DIP2B: variants seen among roughly 807,000 people sequenced by gnomAD.
The protein encoded by DIP2B is DIP2 acetate--CoA ligase B (putative).
In DIP2B, 76 loss-of-function variants were observed where a neutral mutation model predicts 198.0. That is an observed-to-expected ratio of 0.38 (90% CI 0.32 to 0.46). The LOEUF (loss-of-function observed/expected upper bound fraction) is 0.46, where lower values mean the gene tolerates loss of function less well. Among genes scored for constraint, DIP2B ranks in the 20% least tolerant of loss-of-function variants. The pLI is 0.99. For synonymous variants in DIP2B, 701 were observed against 739.1 expected, an observed-to-expected ratio of 0.95 and a Z score of 0.84; for missense variants, 1,559 against 1,978.4, an observed-to-expected ratio of 0.79 and a Z score of 4.02.
chr12:50,680,838 A>T (rs533546392), intron 9 of DIP2B, 75 bp downstream of exon 9: 1 of 1,341,064 alleles, frequency 7.5e-7, no homozygotes, highest in East Asian at 2.3e-5. Flanking sequence ...AATATTCTGG[A>T]GTTTTCATAT....
At chr12:50,665,587 AT>A (rs952045534) in intron 4 of DIP2B, among the ~76,000 whole-genome samples, 1 of 151,954 alleles carries the variant, frequency 6.6e-6, no homozygotes. Context: ...TCTACAAATA[AT>A]TTTTTTTAAT....
At chr12:50,639,757 C>T (rs890299184) in intron 2 of DIP2B, among the ~76,000 whole-genome samples, 1 of 152,098 alleles carries the variant, frequency 6.6e-6, no homozygotes, top group African/African-American at 2.4e-5. Context: ...AAACTTAAGC[C>T]TTAAGGAAAT....
At position 50,619,440 on chromosome 12, in the gene DIP2B, G is replaced by C. The variant is rs192044761; in HGVS notation, c.101-6536G>C. 1.2e-3 allele frequency among the ~76,000 whole-genome samples: 181 copies of C among 152,308 alleles called. 2 individuals carry two copies. The highest frequency in any genetic ancestry group is 4.1e-3 in the African/African-American group (170 of 41,564). ...AATTTATATCACCTTTCTGATAAGA[G>C]AATGAAAAGCCAGACCCAAACCAAA... is the stretch of plus-strand genomic sequence containing the variant. On this transcript the variant is annotated intron_variant, in intron 1 of 37. Coordinates refer to ENST00000301180, the MANE Select transcript of DIP2B (RefSeq NM_173602.3).
intron 1 of DIP2B, among the ~76,000 whole-genome samples, chr12:50,622,546 G>A (rs1937834060): frequency 6.6e-6 from 1 of 152,098 alleles, no homozygotes; most frequent in African/African-American, 2.4e-5. Flanking sequence ...ATATTTTGGT[G>A]GGTAAACATG....
At chr12:50,555,454 T>C (rs1958462169) in intron 1 of DIP2B, among the ~76,000 whole-genome samples, 2 of 152,188 alleles carry the variant, frequency 1.3e-5, no homozygotes, top group Non-Finnish European at 2.9e-5. Flanking sequence ...ATTTTGTCGC[T>C]GCTATCACTT....
intron 1 of DIP2B, among the ~76,000 whole-genome samples, chr12:50,525,671 C>T (rs1958157721): frequency 6.6e-6 from 1 of 151,980 alleles, no homozygotes; most frequent in African/African-American, 2.4e-5. Flanking sequence ...CACTATCACA[C>T]CTTGCTAATT....
intron 1 of DIP2B, among the ~76,000 whole-genome samples, chr12:50,516,220 T>TCC (rs1958062478): frequency 7.1e-6 from 1 of 140,390 alleles, no homozygotes. Flanking sequence ...ACCATCTCTC[T>TCC]CTCTCTCTCT....
chr12:50,659,475 GT>G lies in DIP2B; in HGVS notation c.302-705del, dbSNP rs374355770. On this transcript the variant is annotated intron_variant, in intron 3 of 37. Transcript: ENST00000301180. ...TCTACCTCAGTAAGATTTTGTAAGA[GT>G]TTTTTTTTTTTTTAGCGGGATACAA... is the stretch of plus-strand genomic sequence containing the variant. 3.2e-3 allele frequency among the ~76,000 whole-genome samples: 458 copies of G among 140,928 alleles called. 1 individual carries two copies. Among genetic ancestry groups the G allele is most frequent in the Middle Eastern group, 7.2e-3 (2 of 278 alleles). 92.5% of individuals were successfully genotyped at this position (140,928 alleles called of 152,430 possible).
At chr12:50,537,266 C>A (rs1470647537) in intron 1 of DIP2B, among the ~76,000 whole-genome samples, 1 of 132,816 alleles carries the variant, frequency 7.5e-6, no homozygotes, top group African/African-American at 2.8e-5. Flanking sequence ...TGCCAGATTG[C>A]TTTATAATTG....
chr12:50,535,471 A>G (rs1005601764), intron 1 of DIP2B, among the ~76,000 whole-genome samples: 10 of 151,304 alleles, frequency 6.6e-5, no homozygotes, highest in Middle Eastern at 6.8e-3. Flanking sequence ...GGTTCAAGCA[A>G]TTCTCCTCCC....
At chr12:50,655,980 TA>T (rs1938548368) in intron 3 of DIP2B, among the ~76,000 whole-genome samples, 1 of 151,966 alleles carries the variant, frequency 6.6e-6, no homozygotes, top group Non-Finnish European at 1.5e-5. Context: ...GTCCCAAAAA[TA>T]AAAAATAAAC....
chr12:50,621,260 T>C (rs1440552989), intron 1 of DIP2B, among the ~76,000 whole-genome samples: 1 of 152,250 alleles, frequency 6.6e-6, no homozygotes, highest in Non-Finnish European at 1.5e-5. Context: ...TATATCTGGC[T>C]TGGAGTTCTT....
intron 1 of DIP2B, among the ~76,000 whole-genome samples, chr12:50,548,414 T>C (rs1432714346): frequency 6.6e-6 from 1 of 152,248 alleles, no homozygotes; most frequent in African/African-American, 2.4e-5. Flanking sequence ...TGTGTATATG[T>C]GTATATATAC....
intron 1 of DIP2B, among the ~76,000 whole-genome samples, chr12:50,575,480 T>C (rs915876190): frequency 1.3e-5 from 2 of 151,776 alleles, no homozygotes; most frequent in Non-Finnish European, 1.5e-5. Flanking sequence ...CTTCCCAGGC[T>C]CAAGCCATCC....
At chr12:50,693,117 C>T (rs1388150553) in intron 14 of DIP2B, 104 bp downstream of exon 14, 1 of 1,122,142 alleles carries the variant, frequency 8.9e-7, no homozygotes, top group Non-Finnish European at 1.3e-6. Flanking sequence ...AAATTTAAAT[C>T]CCCAAAAGGT....
At chr12:50,527,593 C>T (rs956690225) in intron 1 of DIP2B, among the ~76,000 whole-genome samples, 18 of 151,968 alleles carry the variant, frequency 1.2e-4, no homozygotes, top group African/African-American at 4.4e-4. Context: ...AGACTCTGTC[C>T]CTAGGTGGTT....
intron 37 of DIP2B, among the ~76,000 whole-genome samples, chr12:50,742,551 C>A (rs1940270453): frequency 6.6e-6 from 1 of 152,044 alleles, no homozygotes; most frequent in Admixed American, 6.6e-5. Context: ...GCTAAACAGC[C>A]ACAGTTCTTT....
At chr12:50,539,617 T>C (rs1375939025) in intron 1 of DIP2B, among the ~76,000 whole-genome samples, 1 of 16,408 alleles carries the variant, frequency 6.1e-5, no homozygotes, top group East Asian at 3.0e-3. Flanking sequence ...ATACTCTGTC[T>C]CAAAAAAAAA....
At chr12:50,523,444 T>TCC (rs1958137768) in intron 1 of DIP2B, among the ~76,000 whole-genome samples, 2 of 152,156 alleles carry the variant, frequency 1.3e-5, no homozygotes, top group African/African-American at 4.8e-5. Context: ...AACCCAAAGA[T>TCC]ATGGACGGGC....
Sources: gnomAD v4.1 joint callset for allele counts (sites outside exome capture counted in the v4.1 genomes callset) on GRCh38, gnomAD v4.1.1 for gene constraint, MANE v1.5 for transcripts, NCBI Gene and HGNC (gene_info 2026-07-23, HGNC 2026-07-21) for gene names.